Variants in EIF3D observed in about 807,000 individuals in gnomAD.
EIF3D encodes eIF3 p66.
In EIF3D, 10 loss-of-function variants were observed where a neutral mutation model predicts 75.4. The ratio of observed to expected loss-of-function variants is 0.13; its 90% CI spans 0.08 to 0.22. EIF3D has a LOEUF of 0.22. Among genes scored for constraint, EIF3D ranks in the 10% least tolerant of loss-of-function variants. The probability of loss-of-function intolerance (pLI) is 1.00; values close to 1 mark genes in which losing one functional copy is unlikely to be tolerated. For synonymous variants in EIF3D, 246 were observed against 248.3 expected, an observed-to-expected ratio of 0.99 and a Z score of 0.09; for missense variants, 394 against 708.0, an observed-to-expected ratio of 0.56 and a Z score of 5.03.
intron 6 of EIF3D, chr22:36,522,974 G>A: frequency 2.3e-6 from 1 of 432,242 alleles, no homozygotes; most frequent in Non-Finnish European, 4.3e-6. Context: ...CCACTCTCAG[G>A]TATTCTGTTC....
chr22:36,527,862 T>C (rs1934630695), intron 1 of EIF3D, among the ~76,000 whole-genome samples: 1 of 152,154 alleles, frequency 6.6e-6, no homozygotes, highest in Non-Finnish European at 1.5e-5. Flanking sequence ...AAAGAACAGG[T>C]ATGCTGAACT....
At chr22:36,519,581 C>T in intron 7 of EIF3D, 44 bp from the exon 8 acceptor site, 1 of 1,607,118 alleles carries the variant, frequency 6.2e-7, no homozygotes, top group Admixed American at 1.7e-5. Flanking sequence ...AGAGAGATAA[C>T]CCCCAGTTTT....
In EIF3D at chr22:36,529,098, G is replaced by T; in HGVS notation, c.-33C>A. On this transcript the variant is annotated 5_prime_UTR_variant, in exon 1 of 15. Transcript: ENST00000216190. Reference sequence around the variant, plus strand: ...CACCTGCAATGGCCTCGGCCGGCCGGGATGGCAACAGATGGTGCGTGCCGG... The same window carrying T: ...CACCTGCAATGGCCTCGGCCGGCCGTGATGGCAACAGATGGTGCGTGCCGG... 1 of 394,206 alleles carries T rather than the reference G, an allele frequency of 2.5e-6. No homozygotes were observed. The highest frequency in any genetic ancestry group is 4.5e-6 in the Non-Finnish European group (1 of 223,584). The allele number at this position is 394,206 out of a possible 1,614,324, so 24.4% of individuals were successfully genotyped here. A position where few individuals can be genotyped will look rare whatever the true frequency, so the allele number is the denominator to read the frequency against.
intron 4 of EIF3D, 103 bp from the exon 5 acceptor site, chr22:36,524,083 C>T (rs1159837515): frequency 4.5e-6 from 5 of 1,112,690 alleles, no homozygotes; most frequent in Non-Finnish European, 6.8e-6. Context: ...ATGCCAAATC[C>T]CAAGTTTCAC....
chr22:36,522,882 A>C (rs1432005735), intron 6 of EIF3D, among the ~76,000 whole-genome samples: 1 of 152,204 alleles, frequency 6.6e-6, no homozygotes, highest in Non-Finnish European at 1.5e-5. Flanking sequence ...AAGCAGCATG[A>C]GGCCCTCACC....
At chr22:36,524,307 G>A (rs759693347) in intron 4 of EIF3D, among the ~76,000 whole-genome samples, 18 of 152,188 alleles carry the variant, frequency 1.2e-4, no homozygotes, top group Non-Finnish European at 2.2e-4. Flanking sequence ...CAGCAATTAA[G>A]TGTGGTAACA....
chr22:36,527,679 A>G (rs1263212017), intron 1 of EIF3D, among the ~76,000 whole-genome samples: 2 of 152,180 alleles, frequency 1.3e-5, no homozygotes, highest in African/African-American at 2.4e-5. Context: ...TCTCTACTAA[A>G]AATACAAAAA....
intron 6 of EIF3D, among the ~76,000 whole-genome samples, chr22:36,522,186 T>C (rs560009449): frequency 2.6e-5 from 4 of 152,138 alleles, no homozygotes; most frequent in African/African-American, 9.6e-5. Flanking sequence ...GAACCCCCTA[T>C]CTACAGAAAA....
chr22:36,514,476 A>G (rs1379332378), intron 12 of EIF3D, among the ~76,000 whole-genome samples: 1 of 152,228 alleles, frequency 6.6e-6, no homozygotes, highest in Non-Finnish European at 1.5e-5. Context: ...CTTAATATAC[A>G]CTACCTGGCT....
At chr22:36,522,171 T>A (rs563829904) in intron 6 of EIF3D, among the ~76,000 whole-genome samples, 2 of 151,994 alleles carry the variant, frequency 1.3e-5, no homozygotes, top group Non-Finnish European at 2.9e-5. Flanking sequence ...CTGGGGAACA[T>A]GGCAGAACCC....
rs1269269870 is a variant in EIF3D, at chr22:36,519,534, C to T, written c.582G>A (p.Glu194=). ...YLEVSEPQDI[E]CCGALEYYDK... Reference sequence around the variant, plus strand: ...CGTAGTATTCTAGGGCCCCACAACACTCACTGTGGGAAGAGCAGGCAAAGA... The same window carrying T: ...CGTAGTATTCTAGGGCCCCACAACATTCACTGTGGGAAGAGCAGGCAAAGA... Residue 194 remains glutamate (E), a synonymous_variant, in exon 8 of 15, where the codon GAG becomes GAA. Transcript: ENST00000216190. 3 of 1,614,172 alleles carry T rather than the reference C, an allele frequency of 1.9e-6. No individual in the cohort carries two copies. The highest frequency in any genetic ancestry group is 1.7e-6 in the Non-Finnish European group (2 of 1,180,020).
chr22:36,521,310 G>A (rs1379726107), intron 6 of EIF3D, among the ~76,000 whole-genome samples: 1 of 152,162 alleles, frequency 6.6e-6, no homozygotes, highest in Non-Finnish European at 1.5e-5. Flanking sequence ...GAGGACCAAA[G>A]GGATCAAAAG....
chr22:36,514,538 C>T (rs370701607), intron 12 of EIF3D, among the ~76,000 whole-genome samples: 58 of 144,406 alleles, frequency 4.0e-4, no homozygotes, highest in African/African-American at 1.4e-3. Flanking sequence ...AGGTCGGAGA[C>T]GGAGGAAGTC....
At chr22:36,511,118 A>C in intron 14 of EIF3D, 118 bp from the exon 15 acceptor site, 1 of 1,298,240 alleles carries the variant, frequency 7.7e-7, no homozygotes, top group Non-Finnish European at 1.0e-6. Context: ...TTCCGAAGTT[A>C]AGCCTTTCAG....
chr22:36,517,859 T>A (rs1382906397), intron 9 of EIF3D, among the ~76,000 whole-genome samples: 2 of 152,116 alleles, frequency 1.3e-5, no homozygotes. Flanking sequence ...GCGATTCTCC[T>A]GCCTCAGCCT....
At chr22:36,511,230 G>T in intron 14 of EIF3D, 1 of 802,730 alleles carries the variant, frequency 1.2e-6, no homozygotes, top group Non-Finnish European at 1.9e-6. Context: ...TTTCCCTCTA[G>T]ACCACCGGCT....
intron 12 of EIF3D, 61 bp downstream of exon 12, chr22:36,516,417 C>T (rs944270986): frequency 6.3e-6 from 10 of 1,574,932 alleles, no homozygotes; most frequent in Non-Finnish European, 6.9e-6. Flanking sequence ...CCTGCGTAAA[C>T]AGGCACTGTA....
intron 10 of EIF3D, chr22:36,517,048 T>C: frequency 1.6e-6 from 1 of 612,794 alleles, no homozygotes; most frequent in Non-Finnish European, 2.9e-6. Context: ...CACCATTTGA[T>C]GTAAATCAAT....
In EIF3D at chr22:36,517,214, A is replaced by C. The variant is rs1344427807; in HGVS notation, c.990+87T>G. On this transcript the variant is annotated intron_variant, in intron 10 of 14. Transcript: ENST00000216190. ...TGCGTCTGACCTGCTCAGTCCCACA[A>C]CCAAGAGCCTAGCACAAAGCAGATG... 23 of 1,589,248 alleles carry C rather than the reference A, an allele frequency of 1.4e-5. No individual in the cohort carries two copies. In the East Asian group the frequency reaches 3.1e-4, roughly 22 times the overall value.
Sources: allele counts gnomAD v4.1 joint callset (sites outside exome capture counted in the v4.1 genomes callset), GRCh38; gene constraint gnomAD v4.1.1; transcripts MANE v1.5; gene names NCBI Gene and HGNC (gene_info 2026-07-23, HGNC 2026-07-21).